Variants in TTC27 observed in about 807,000 individuals in gnomAD.
TTC27 encodes tetratricopeptide repeat domain 27.
In TTC27, 79 loss-of-function variants were observed where a neutral mutation model predicts 115.9. That is an observed-to-expected ratio of 0.68 (90% CI 0.57 to 0.82). TTC27 has a LOEUF of 0.82. Among genes scored for constraint, TTC27 ranks in the 40% least tolerant of loss-of-function variants. The probability of loss-of-function intolerance (pLI) is 0.00; values close to 1 mark genes in which losing one functional copy is unlikely to be tolerated. For synonymous variants in TTC27, 401 were observed against 356.0 expected (o/e 1.13, Z -1.42); for missense variants, 1,054 against 993.1 (o/e 1.06, Z -0.82).
chr2:32,704,227 C>A (rs1412578400), intron 10 of TTC27, among the ~76,000 whole-genome samples: 1 of 152,002 alleles, frequency 6.6e-6, no homozygotes, highest in Non-Finnish European at 1.5e-5. Flanking sequence ...TACTCTGTTG[C>A]CCAGGTTGGA....
At chr2:32,672,835 T>C (rs994796979) in intron 8 of TTC27, among the ~76,000 whole-genome samples, 4 of 152,234 alleles carry the variant, frequency 2.6e-5, no homozygotes, top group Non-Finnish European at 5.9e-5. Flanking sequence ...ATATAACTTC[T>C]AAGAATAAGT....
intron 4 of TTC27, among the ~76,000 whole-genome samples, chr2:32,649,820 A>G (rs931125300): frequency 2.0e-5 from 3 of 152,092 alleles, no homozygotes; most frequent in African/African-American, 7.2e-5. Flanking sequence ...TTGGGATTAC[A>G]GGTGTGAGCC....
intron 10 of TTC27, among the ~76,000 whole-genome samples, chr2:32,710,978 A>C (rs971402336): frequency 6.6e-6 from 1 of 151,528 alleles, no homozygotes; most frequent in Non-Finnish European, 1.5e-5. Flanking sequence ...TTAGCTAGGC[A>C]TGGTGGTGGG....
At chr2:32,657,671 T>C (rs1559190869) in intron 5 of TTC27, among the ~76,000 whole-genome samples, 1 of 152,128 alleles carries the variant, frequency 6.6e-6, no homozygotes, top group Non-Finnish European at 1.5e-5. Flanking sequence ...GATTGGGCTT[T>C]TGTAGCATCA....
intron 4 of TTC27, among the ~76,000 whole-genome samples, chr2:32,646,001 G>C (rs1485644540): frequency 6.7e-6 from 1 of 149,546 alleles, no homozygotes; most frequent in Non-Finnish European, 1.5e-5. Context: ...TTACAGGTGT[G>C]AGCCACAGTG....
intron 10 of TTC27, among the ~76,000 whole-genome samples, chr2:32,712,140 G>A (rs776796929): frequency 3.3e-5 from 5 of 152,128 alleles, no homozygotes; most frequent in Admixed American, 6.6e-5. Context: ...AGGCTTCAAC[G>A]GCAAGTCCTA....
intron 13 of TTC27, among the ~76,000 whole-genome samples, chr2:32,774,049 A>G (rs1031656222): frequency 6.6e-6 from 1 of 152,234 alleles, no homozygotes; most frequent in Admixed American, 6.5e-5. Context: ...AATTCACATC[A>G]AAGACTTGGT....
intron 4 of TTC27, among the ~76,000 whole-genome samples, chr2:32,647,948 T>A (rs1353564262): frequency 6.6e-6 from 1 of 152,188 alleles, no homozygotes; most frequent in East Asian, 1.9e-4. Flanking sequence ...AGTAATATAG[T>A]TACAAATAAT....
chr2:32,662,459 C>T (rs963896629), intron 5 of TTC27, among the ~76,000 whole-genome samples: 5 of 152,112 alleles, frequency 3.3e-5, no homozygotes, highest in African/African-American at 1.2e-4. Flanking sequence ...TGCTATTGGT[C>T]TATTCAGGGA....
intron 12 of TTC27, among the ~76,000 whole-genome samples, chr2:32,737,245 C>G (rs4141652): frequency 0.16 from 24,855 of 152,058 alleles, 2,475 homozygotes; most frequent in South Asian, 0.37. Context: ...GAAGAGTTGT[C>G]AAGTGTGTAA....
At chr2:32,742,661 G>A (rs746314423) in intron 12 of TTC27, among the ~76,000 whole-genome samples, 14 of 152,176 alleles carry the variant, frequency 9.2e-5, no homozygotes, top group Non-Finnish European at 1.6e-4. Context: ...TGCTAAAAGG[G>A]TTGTTCTTGG....
intron 5 of TTC27, among the ~76,000 whole-genome samples, chr2:32,651,836 A>G (rs1044012580): frequency 6.6e-6 from 1 of 152,210 alleles, no homozygotes; most frequent in African/African-American, 2.4e-5. Context: ...CATAATTCAA[A>G]TAGAGATAAT....
intron 16 of TTC27, among the ~76,000 whole-genome samples, chr2:32,788,822 A>G (rs1482991797): frequency 1.3e-5 from 2 of 152,212 alleles, no homozygotes; most frequent in East Asian, 3.9e-4. Flanking sequence ...CAGACTTATT[A>G]CATGTACACA....
At chr2:32,803,086 A>AG (rs1327836701) in intron 16 of TTC27, among the ~76,000 whole-genome samples, 2 of 152,204 alleles carry the variant, frequency 1.3e-5, no homozygotes, top group Non-Finnish European at 2.9e-5. Flanking sequence ...GCTGGGCCAC[A>AG]GGGGGAGCTC....
chr2:32,666,592 T>A, intron 6 of TTC27, 43 bp from the exon 7 acceptor site: 2 of 1,605,016 alleles, frequency 1.2e-6, no homozygotes, highest in East Asian at 4.5e-5. Flanking sequence ...GTACAGTAGA[T>A]CTCATGGGTA....
Position 32,630,530 on chromosome 2 carries a change from A to G in TTC27, c.96A>G (p.Gly32=). ...TAATTTTTTATATTACAGAGAGTGGATCTTTCCTACAATTGCTACTGGAAG... is the reference window on the plus strand; with the variant it reads ...TAATTTTTTATATTACAGAGAGTGGGTCTTTCCTACAATTGCTACTGGAAG... The part of the protein sequence containing the change: ...KQEGVVGSES[G]SFLQLLLEGN... The change falls in exon 2 of 20, where the codon GGA becomes GGG. Residue 32 remains glycine, a synonymous_variant. Coordinates refer to ENST00000317907, the MANE Select transcript of TTC27 (RefSeq NM_017735.5). 6.2e-7 allele frequency: 1 copy of G among 1,605,560 alleles called. No homozygotes were observed. The highest frequency in any genetic ancestry group is 1.1e-5 in the South Asian group (1 of 90,120).
Position 32,688,585 on chromosome 2 carries a change from AATTAAATATG to A in TTC27, c.1119+9664_1119+9673del, listed in dbSNP as rs1666714655. Among the ~76,000 whole-genome samples, 14 of 152,276 alleles carry A rather than the reference AATTAAATATG, an allele frequency of 9.2e-5. 1 individual carries two copies. The highest frequency in any genetic ancestry group is 8.5e-4 in the Admixed American group (13 of 15,290). On this transcript the variant is annotated intron_variant, in intron 9 of 19. Coordinates refer to ENST00000317907, the MANE Select transcript of TTC27 (RefSeq NM_017735.5). ...TTCAACTCAATAGTAGAAACCAACC[AATTAAATATG>A]GATAAAATATTTGAACAGACACTTG...
intron 12 of TTC27, among the ~76,000 whole-genome samples, chr2:32,754,338 C>A (rs1289446813): frequency 5.4e-5 from 8 of 148,266 alleles, no homozygotes; most frequent in Non-Finnish European, 7.5e-5. Flanking sequence ...TAGGGAGTGG[C>A]GATGACTCTT....
chr2:32,782,336 G>A (rs1024659949), intron 14 of TTC27, among the ~76,000 whole-genome samples: 3 of 152,132 alleles, frequency 2.0e-5, no homozygotes, highest in Non-Finnish European at 4.4e-5. Flanking sequence ...ACTATATAGA[G>A]TATGTTGTAT....
Sources: gnomAD v4.1 joint callset for allele counts (sites outside exome capture counted in the v4.1 genomes callset) on GRCh38, gnomAD v4.1.1 for gene constraint, MANE v1.5 for transcripts, NCBI Gene and HGNC (gene_info 2026-07-23, HGNC 2026-07-21) for gene names.